Variants in ZNF208 observed in about 807,000 individuals in gnomAD.
The protein encoded by ZNF208 is zinc finger protein 95.
A neutral mutation model predicts 12.1 loss-of-function variants in ZNF208; 10 were observed. That is an observed-to-expected ratio of 0.83 (90% CI 0.51 to 1.40). ZNF208 has a LOEUF of 1.40. ZNF208 is among the 40% of genes most tolerant of loss of function. The pLI, the probability that ZNF208 is intolerant of heterozygous loss-of-function variation, is 0.00. For synonymous variants in ZNF208, 497 were observed against 488.4 expected (o/e 1.02, Z -0.23); for missense variants, 1,652 against 1,485.0 (o/e 1.11, Z -1.85).
intron 1 of ZNF208, among the ~76,000 whole-genome samples, chr19:22,009,123 C>T (rs568688468): frequency 6.6e-6 from 1 of 152,092 alleles, no homozygotes; most frequent in Admixed American, 6.6e-5. Flanking sequence ...TATTTACAAA[C>T]AGAAAACAAA....
chr19:22,005,438 C>T (rs1971027849), intron 1 of ZNF208, among the ~76,000 whole-genome samples: 1 of 152,122 alleles, frequency 6.6e-6, no homozygotes. Flanking sequence ...AGTTTCATTC[C>T]AGGCCAGGAG....
At position 21,975,851 on chromosome 19, in the gene ZNF208, A is replaced by AAAAAAAAAAAAAAAAAAAAAAAG. The variant is rs377638519; in HGVS notation, c.227-1045_227-1044insCTTTTTTTTTTTTTTTTTTTTTT. ...AAAAAAAAAAAAAAAAAAAAAAAAAAGCTATCAAGTGAGAATAATACCATC... is the reference window on the plus strand; with the variant it reads ...AAAAAAAAAAAAAAAAAAAAAAAAAAAAAAAAAAAAAAAAAAAAAAAAGGCTATCAAGTGAGAATAATACCATC... On this transcript the variant is annotated intron_variant, in intron 3 of 3. Transcript: ENST00000397126. Among the ~76,000 whole-genome samples the AAAAAAAAAAAAAAAAAAAAAAAG allele has an allele frequency of 6.5e-5, 6 of 91,868 alleles. 1 individual carries two copies. Among genetic ancestry groups the AAAAAAAAAAAAAAAAAAAAAAAG allele is most frequent in the African/African-American group, 2.7e-4 (6 of 21,952 alleles). 60.3% of individuals were successfully genotyped at this position (91,868 alleles called of 152,430 possible). A position where few individuals can be genotyped will look rare whatever the true frequency, so the allele number is the denominator to read the frequency against.
intron 4 of ZNF208, among the ~76,000 whole-genome samples, chr19:21,946,141 C>T (rs555134364): frequency 6.6e-6 from 1 of 152,286 alleles, no homozygotes; most frequent in South Asian, 2.1e-4. Flanking sequence ...ACACAGTGGG[C>T]TTTGATGGGT....
chr19:21,946,971 T>A (rs1476625616), intron 4 of ZNF208, among the ~76,000 whole-genome samples: 2 of 152,050 alleles, frequency 1.3e-5, no homozygotes, highest in Non-Finnish European at 2.9e-5. Context: ...TTTTTTTTCT[T>A]CTTCTTCTTT....
Position 21,973,510 on chromosome 19 carries a change from C to G in ZNF208, c.1524G>C (p.Trp508Cys). The change falls in exon 4 of 4, where the codon TGG becomes TGC. Residue 508 changes from tryptophan to cysteine, a missense_variant. Transcript: ENST00000397126. ...TCTTATGTTCCATAAGGTTTGAGGA[C>G]CAGTTGAAAGCTTTGCCACATTCTT... ...KCEECGKAFN[W>C]SSNLMEHKRI... The G allele has an allele frequency of 6.2e-7, 1 of 1,611,884 alleles. No homozygotes were observed. The highest frequency in any genetic ancestry group is 8.5e-7 in the Non-Finnish European group (1 of 1,179,456).
intron 1 of ZNF208, among the ~76,000 whole-genome samples, chr19:22,008,908 A>G (rs1474658184): frequency 6.6e-6 from 1 of 152,080 alleles, no homozygotes; most frequent in African/African-American, 2.4e-5. Flanking sequence ...TATGGGAGAA[A>G]ATGACCCAGG....
chr19:21,975,157 TTTG>T, intron 3 of ZNF208, among the ~76,000 whole-genome samples: 1 of 152,216 alleles, frequency 6.6e-6, no homozygotes, highest in Admixed American at 6.5e-5. Flanking sequence ...TTTGTGTTTT[TTTG>T]TTTTGTTTTG....
downstream of ZNF208, among the ~76,000 whole-genome samples, chr19:21,963,394 G>A (rs1313328295): frequency 6.6e-6 from 1 of 152,002 alleles, no homozygotes; most frequent in African/African-American, 2.4e-5. Flanking sequence ...TGAAGTTGGA[G>A]TGATATTTAT....
At position 21,972,879 on chromosome 19, in the gene ZNF208, T is replaced by C. The variant is rs1249947548; in HGVS notation, c.2155A>G (p.Lys719Glu). The C allele has an allele frequency of 1.9e-6, 3 of 1,613,286 alleles. No individual in the cohort carries two copies. In the African/African-American group the frequency reaches 4.0e-5, roughly 22 times the overall value. ...MEHKRIHTGE[K>E]PYKCEECGKS... ...CCACATTCTTCACATTTGTAGGGTTTCTCTCCAGTATGAATTCTCTTATGT... is the reference window on the plus strand; with the variant it reads ...CCACATTCTTCACATTTGTAGGGTTCCTCTCCAGTATGAATTCTCTTATGT... Residue 719 changes from lysine to glutamate, a missense_variant, in exon 4 of 4, where the codon AAA (lysine) becomes GAA (glutamate). Physicochemically the swap from Lys to Glu is moderately conservative, Grantham distance 56. Around this residue, in one of 3 missense-constraint regions of ZNF208, gnomAD observed 1,239 missense variants for 1,086.2 expected, o/e 1.14. Transcript: ENST00000397126.
At chr19:21,949,379 G>A (rs11881166) in intron 4 of ZNF208, among the ~76,000 whole-genome samples, 7,039 of 152,188 alleles carry the variant, frequency 0.046, 550 homozygotes, top group African/African-American at 0.16. Flanking sequence ...CAGTAGATAG[G>A]TCTAGTCAGA....
At chr19:21,963,372 TAA>T (rs374089983), downstream of ZNF208, among the ~76,000 whole-genome samples, 106 of 152,228 alleles carry the variant, frequency 7.0e-4, 5 homozygotes, top group East Asian at 6.6e-3. Flanking sequence ...AATCTTTTAC[TAA>T]AAGACTTTTT....
intron 4 of ZNF208, among the ~76,000 whole-genome samples, chr19:21,952,471 T>A (rs1848999): frequency 0.62 from 93,425 of 151,618 alleles, 29,488 homozygotes; most frequent in African/African-American, 0.74. Flanking sequence ...CAGGCAGAAA[T>A]ATTTGCAGTT....
At position 21,966,891 on chromosome 19, in the gene ZNF208, A is replaced by C. The variant is rs930915642; in HGVS notation, c.*4300T>G. ...TTTTACATGTTTATTGGCAGCTCTT[A>C]TGTCTTCCTTTGAGAAGAAGCTGGC... is the stretch of plus-strand genomic sequence containing the variant. On this transcript the variant is annotated 3_prime_UTR_variant, in exon 4 of 4. Transcript: ENST00000397126. 6.6e-6 allele frequency: 1 copy of C among 152,154 alleles called. No homozygotes were observed. The highest frequency in any genetic ancestry group is 2.4e-5 in the African/African-American group (1 of 41,460). 9.4% of individuals were successfully genotyped at this position (152,154 alleles called of 1,614,324 possible).
At chr19:21,997,807 TAG>T (rs1970866127) in intron 1 of ZNF208, 1 of 152,424 alleles carries the variant, frequency 6.6e-6, no homozygotes, top group South Asian at 2.1e-4. Flanking sequence ...TGAGTCCAGA[TAG>T]AGACAGCTCT....
At chr19:21,958,179 A>G (rs1274552955) in intron 4 of ZNF208, among the ~76,000 whole-genome samples, 1 of 151,238 alleles carries the variant, frequency 6.6e-6, no homozygotes, top group Non-Finnish European at 1.5e-5. Flanking sequence ...GTTTCTAACA[A>G]AAAAAAAACT....
At chr19:21,955,724 T>G (rs1969963182) in intron 4 of ZNF208, among the ~76,000 whole-genome samples, 1 of 152,306 alleles carries the variant, frequency 6.6e-6, no homozygotes, top group South Asian at 2.1e-4. Context: ...TAGTTAGCCA[T>G]TTGTCTAATC....
At chr19:21,957,573 C>T (rs1969996360) in intron 4 of ZNF208, among the ~76,000 whole-genome samples, 1 of 152,166 alleles carries the variant, frequency 6.6e-6, no homozygotes. Flanking sequence ...ACACTATGCT[C>T]TTGGAACCTC....
chr19:21,962,342 G>A (rs996495135), downstream of ZNF208, among the ~76,000 whole-genome samples: 2 of 151,988 alleles, frequency 1.3e-5, no homozygotes, highest in Non-Finnish European at 2.9e-5. Context: ...TCTACAGAGA[G>A]GATAGTCAAC....
At chr19:21,960,570 G>C (rs1355981232) in intron 4 of ZNF208, among the ~76,000 whole-genome samples, 2 of 152,178 alleles carry the variant, frequency 1.3e-5, no homozygotes, top group African/African-American at 4.8e-5. Flanking sequence ...GTCTTAGCAA[G>C]CCTTGCAGGG....
Sources: allele counts gnomAD v4.1 joint callset (sites outside exome capture counted in the v4.1 genomes callset), GRCh38; gene constraint gnomAD v4.1.1; regional missense constraint gnomAD v4.1.1; transcripts MANE v1.5; gene names NCBI Gene and HGNC (gene_info 2026-07-23, HGNC 2026-07-21).